The following COL1A1 variants were observed in gnomAD, a reference collection of about 807,000 sequenced individuals.
The protein encoded by COL1A1 is collagen alpha-1(I) chain.
COL1A1 carries 21 observed loss-of-function variants against 195.7 expected under a neutral mutation model. The observed-to-expected ratio is 0.11, with a 90% confidence interval of 0.08 to 0.15. The LOEUF is 0.15. Among genes scored for constraint, COL1A1 ranks in the 10% least tolerant of loss-of-function variants. The probability of loss-of-function intolerance (pLI) is 1.00; values close to 1 mark genes in which losing one functional copy is unlikely to be tolerated. For synonymous variants in COL1A1, 749 were observed against 747.3 expected, an observed-to-expected ratio of 1.00 and a Z score of -0.04; for missense variants, 1,365 against 2,051.0, an observed-to-expected ratio of 0.67 and a Z score of 6.46.
chr17:50,192,344 T>G, intron 29 of COL1A1, 131 bp downstream of exon 29: 3 of 1,066,768 alleles, frequency 2.8e-6, no homozygotes, highest in Non-Finnish European at 2.8e-6. Flanking sequence ...GCTCCCTTCA[T>G]GGGAGGAAGT....
At position 50,188,830 on chromosome 17, in the gene COL1A1, C is replaced by G; in HGVS notation, c.3046-35G>C. 1 of 1,612,534 alleles carries G rather than the reference C, an allele frequency of 6.2e-7. No homozygotes were observed. The stretch of plus-strand genomic sequence containing the variant: ...GAGAGAGAGAGAAGTGAGAGTCAGC[C>G]GGGGAAGAGGGCTTAGGCAAGGCCA... On this transcript the variant is annotated intron_variant, in intron 41 of 50. Transcript: ENST00000225964. This position sits in a 1 kb window ranked among gnomAD's most constrained non-coding sequence, Gnocchi z 5.6.
At chr17:50,187,257 G>T in intron 46 of COL1A1, 135 bp from the exon 47 acceptor site, 1 of 867,602 alleles carries the variant, frequency 1.2e-6, no homozygotes, top group Non-Finnish European at 1.9e-6. Flanking sequence ...CTTTCCATAG[G>T]ACATGCCATA....
chr17:50,188,769 A>C lies in COL1A1; in HGVS notation c.3072T>G (p.Pro1024=). 1 of 1,614,096 alleles carries C rather than the reference A, an allele frequency of 6.2e-7. No homozygotes were observed. The highest frequency in any genetic ancestry group is 8.5e-7 in the Non-Finnish European group (1 of 1,179,984). ...TGGCGCCAGGAGAACCGTCTCGTCC[A>C]GGGGAACCTTCGGCACCAGGAGCCC... The part of the protein sequence containing the change: ...REGAPGAEGS[P]GRDGSPGAKG... The change falls in exon 42 of 51, where the codon CCT becomes CCG. Residue 1024 remains proline, a synonymous_variant. Transcript: ENST00000225964. This position sits in a 1 kb window ranked among gnomAD's most constrained non-coding sequence, Gnocchi z 5.6.
chr17:50,189,909 T>C lies in COL1A1; in HGVS notation c.2563A>G (p.Asn855Asp). Residue 855 changes from asparagine to aspartate, a missense_variant, in exon 37 of 51, where the codon AAT (asparagine) becomes GAT (aspartate). Physicochemically the swap from Asn to Asp is conservative, Grantham distance 23. Transcript: ENST00000225964. This position sits in a 1 kb window ranked among gnomAD's most constrained non-coding sequence, Gnocchi z 5.5. ...GPAGPPGPIG[N>D]VGAPGAKGAR... is the part of the protein sequence containing the mutation. ...CCTTTGGCTCCAGGAGCACCAACATTACCCTGTAGGAGAGCACAGAGGCAT... is the reference window on the plus strand; with the variant it reads ...CCTTTGGCTCCAGGAGCACCAACATCACCCTGTAGGAGAGCACAGAGGCAT... 6.2e-7 allele frequency: 1 copy of C among 1,610,906 alleles called. No homozygotes were observed. Among genetic ancestry groups the C allele is most frequent in the Non-Finnish European group, 8.5e-7 (1 of 1,178,670 alleles).
intron 1 of COL1A1, 33 bp downstream of exon 1, chr17:50,201,378 G>A (rs1386520212): frequency 6.3e-7 from 1 of 1,598,768 alleles, no homozygotes; most frequent in South Asian, 1.1e-5. Flanking sequence ...GCGATATAGA[G>A]TATCCTTGCA....
rs199507352 is a variant in COL1A1 at position 50,196,568 on chromosome 17, G to T, written c.859-40C>A. 1.9e-5 allele frequency: 30 copies of T among 1,614,052 alleles called. No individual in the cohort carries two copies. In the African/African-American group the frequency reaches 3.9e-4, roughly 21 times the overall value. The stretch of plus-strand genomic sequence containing the variant: ...ATAATGAGTGAGAAATTCATTCATG[G>T]TGGGACTCTGGGGATGTGGAGGACC... On this transcript the variant is annotated intron_variant, in intron 12 of 50. Transcript: ENST00000225964.
chr17:50,200,648 T>C (rs1351490055), intron 1 of COL1A1, among the ~76,000 whole-genome samples: 1 of 151,810 alleles, frequency 6.6e-6, no homozygotes, highest in East Asian at 1.9e-4. Flanking sequence ...CCCACCGCGC[T>C]AGCGGCTCCC....
In COL1A1 at chr17:50,189,943, G is replaced by T. The variant is rs1465692698; in HGVS notation, c.2560-31C>A. The T allele has an allele frequency of 6.2e-7, 1 of 1,611,676 alleles. No individual in the cohort carries two copies. Among genetic ancestry groups the T allele is most frequent in the East Asian group, 2.2e-5 (1 of 44,676 alleles). On this transcript the variant is annotated intron_variant, in intron 36 of 50. Coordinates refer to ENST00000225964, the MANE Select transcript of COL1A1 (RefSeq NM_000088.4). This position sits in a 1 kb window ranked among gnomAD's most constrained non-coding sequence, Gnocchi z 5.5. The stretch of plus-strand genomic sequence containing the variant: ...GGAGAGCACAGAGGCATCAAGCCTG[G>T]ACCCGTCCTGGGTCCCAGCCCACCA...
chr17:50,200,242 T>C (rs933521482), intron 1 of COL1A1: 3 of 422,114 alleles, frequency 7.1e-6, no homozygotes, highest in Non-Finnish European at 1.3e-5. Flanking sequence ...CCAAGTGAAA[T>C]AAAAACCACA....
chr17:50,195,414 A>C lies in COL1A1; in HGVS notation c.1200+20T>G. 6.2e-7 allele frequency: 1 copy of C among 1,614,082 alleles called. No homozygotes were observed. The highest frequency in any genetic ancestry group is 8.5e-7 in the Non-Finnish European group (1 of 1,179,968). Reference sequence around the variant, plus strand: ...GCTGCAGGCGGCAGGAGTGGGACTGAAGCCTGGCAGGATACTTACATTGGC... The same window carrying C: ...GCTGCAGGCGGCAGGAGTGGGACTGCAGCCTGGCAGGATACTTACATTGGC... On this transcript the variant is annotated intron_variant, in intron 18 of 50. Transcript: ENST00000225964. The surrounding 1 kb of genome is among the most constrained non-coding windows in gnomAD (Gnocchi z 4.3).
In COL1A1 at chr17:50,192,997, A is replaced by T; in HGVS notation, c.1818T>A (p.Ala606=). The change falls in exon 26 of 51, where the codon GCT becomes GCA. Residue 606 remains alanine, a synonymous_variant. Transcript: ENST00000225964. ...GERGVPGPPG[A]VGPAGKDGEA... ...GGGATGGAAAGGAGATACTTACGACAGCGCCAGGGGGTCCGGGAACACCTC... is the reference window on the plus strand; with the variant it reads ...GGGATGGAAAGGAGATACTTACGACTGCGCCAGGGGGTCCGGGAACACCTC... The T allele has an allele frequency of 6.2e-7, 1 of 1,614,096 alleles. No individual in the cohort carries two copies. Among genetic ancestry groups the T allele is most frequent in the Non-Finnish European group, 8.5e-7 (1 of 1,180,000 alleles).
At chr17:50,191,643 G>A in intron 31 of COL1A1, 145 bp downstream of exon 31, 3 of 1,114,756 alleles carry the variant, frequency 2.7e-6, no homozygotes, top group Non-Finnish European at 4.0e-6. Context: ...ACTCCAGGCT[G>A]TGTGTGGGCC....
At position 50,186,559 on chromosome 17, in the gene COL1A1, A is replaced by G; in HGVS notation, c.3815-52T>C. The G allele has an allele frequency of 6.2e-7, 1 of 1,613,904 alleles. No individual in the cohort carries two copies. The highest frequency in any genetic ancestry group is 8.5e-7 in the Non-Finnish European group (1 of 1,179,860). ...TCAGGGAAAGGGAGCAGCCAGCACC[A>G]TATGGTAGGGGCACATATGGGCATG... On this transcript the variant is annotated intron_variant, in intron 48 of 50. Transcript: ENST00000225964. This position sits in a 1 kb window ranked among gnomAD's most constrained non-coding sequence, Gnocchi z 5.3.
At chr17:50,193,315 T>G (rs1907264067) in intron 25 of COL1A1, among the ~76,000 whole-genome samples, 6 of 152,062 alleles carry the variant, frequency 3.9e-5, no homozygotes, top group Admixed American at 3.9e-4. Context: ...CTCTGCTATC[T>G]CCTTTTGGAC....
chr17:50,198,378 C>G, intron 6 of COL1A1, 55 bp downstream of exon 6: 1 of 1,592,512 alleles, frequency 6.3e-7, no homozygotes, highest in South Asian at 1.1e-5. Context: ...CTATGCCCAC[C>G]TCCTCTGGAT....
Position 50,194,119 on chromosome 17 carries a change from G to A in COL1A1, c.1668+11C>T, listed in dbSNP as rs756220545. 14 of 1,613,322 alleles carry A rather than the reference G, an allele frequency of 8.7e-6. No homozygotes were observed. Among genetic ancestry groups the A allele is most frequent in the Non-Finnish European group, 1.2e-5 (14 of 1,179,522 alleles). On this transcript the variant is annotated intron_variant, in intron 24 of 50. Transcript: ENST00000225964. The surrounding 1 kb of genome is among the most constrained non-coding windows in gnomAD (Gnocchi z 6.8). ...GACAATGGCAGGGGGTTCAGGGGGA[G>A]TGATACTTACAGGGGGGCCAGTTTT... is the stretch of plus-strand genomic sequence containing the variant.
chr17:50,199,569 G>A lies in COL1A1; in HGVS notation c.320C>T (p.Thr107Ile). ...GCAGGAGATTACCTCGACGCCGGTG[G>A]TTTCTTGGTCGGTGGGTGACTCTAG... ...DGSESPTDQE[T>I]TGVEGPKGDT... is the part of the protein sequence containing the mutation. The change falls in exon 3 of 51, where the codon ACC (threonine) becomes ATC (isoleucine). Residue 107 changes from threonine to isoleucine, a missense_variant. Transcript: ENST00000225964. 6.2e-7 allele frequency: 1 copy of A among 1,614,192 alleles called. No homozygotes were observed. Among genetic ancestry groups the A allele is most frequent in the Non-Finnish European group, 8.5e-7 (1 of 1,180,006 alleles).
chr17:50,192,210 T>A, intron 29 of COL1A1, 186 bp from the exon 30 acceptor site: 1 of 739,404 alleles, frequency 1.4e-6, no homozygotes, highest in Non-Finnish European at 2.2e-6. Context: ...GCTTCCCCCC[T>A]CCCCAAACTA....
chr17:50,190,916 A>T lies in COL1A1; in HGVS notation c.2244T>A (p.Ala748=). 1 of 1,614,100 alleles carries T rather than the reference A, an allele frequency of 6.2e-7. No individual in the cohort carries two copies. Among genetic ancestry groups the T allele is most frequent in the African/African-American group, 1.3e-5 (1 of 75,028 alleles). The change falls in exon 33 of 51, where the codon GCT becomes GCA. Residue 748 remains alanine (A), a synonymous_variant. Coordinates refer to ENST00000225964, the MANE Select transcript of COL1A1 (RefSeq NM_000088.4). This position sits in a 1 kb window ranked among gnomAD's most constrained non-coding sequence, Gnocchi z 4.7. ...LPGPKGDRGD[A]GPKGADGSPG... ...GAGAGCCATCAGCACCTTTGGGACC[A>T]GCATCACCCTAAAGACATGGATAAG...
Sources: gnomAD v4.1 joint callset for allele counts (sites outside exome capture counted in the v4.1 genomes callset) on GRCh38, gnomAD v4.1.1 for gene constraint, Gnocchi (gnomAD v3.1) non-coding constraint, MANE v1.5 for transcripts, NCBI Gene and HGNC (gene_info 2026-07-23, HGNC 2026-07-21) for gene names.